ZAN: variants seen among roughly 807,000 people sequenced by gnomAD.
ZAN encodes the protein zonadhesin, also known as zonadhesin (gene/pseudogene).
ZAN carries 260 observed loss-of-function variants against 286.2 expected under a neutral mutation model. That is an observed-to-expected ratio of 0.91 (90% confidence interval 0.82 to 1.01). The LOEUF (loss-of-function observed/expected upper bound fraction) is 1.01. Among genes scored for constraint, ZAN ranks in the 50% least tolerant of loss-of-function variants. ZAN has a pLI of 0.00. For synonymous variants in ZAN, 1,368 were observed against 1,417.5 expected (o/e 0.97, Z 0.79); for missense variants, 3,410 against 3,639.2 (o/e 0.94, Z 1.62).
In ZAN at chr7:100,779,527, C is replaced by A; in HGVS notation, c.6399C>A (p.Asp2133Glu). 1 of 1,612,776 alleles carries A rather than the reference C, an allele frequency of 6.2e-7. No individual in the cohort carries two copies. The highest frequency in any genetic ancestry group is 2.2e-5 in the East Asian group (1 of 44,858). ...ENPSGNCRAA[D>E]LRRAREKCEA... Reference sequence around the variant, plus strand: ...CGAGTGGAAACTGCAGGGCGGCCGACCTCCGCAGGGCGCGGGAAAAGTGCG... The same window carrying A: ...CGAGTGGAAACTGCAGGGCGGCCGAACTCCGCAGGGCGCGGGAAAAGTGCG... The change falls in exon 35 of 48, where the codon GAC becomes GAA. Residue 2133 changes from aspartate (D) to glutamate (E), a missense_variant. By Grantham distance (45) the Asp-to-Glu change is conservative. Transcript: ENST00000613979.
chr7:100,773,427 G>T lies in ZAN; in HGVS notation c.5568G>T (p.Leu1856Phe). The T allele has an allele frequency of 6.2e-7, 1 of 1,614,010 alleles. No individual in the cohort carries two copies. Among genetic ancestry groups the T allele is most frequent in the South Asian group, 1.1e-5 (1 of 91,088 alleles). The change falls in exon 30 of 48, where the codon TTG becomes TTT. Residue 1856 changes from leucine to phenylalanine, a missense_variant. Coordinates refer to ENST00000613979, the MANE Select transcript of ZAN (RefSeq NM_003386.3). The part of the protein sequence containing the change: ...ESCECQKGHI[L>F]SGTSCVPLGQ... The stretch of plus-strand genomic sequence containing the variant: ...GTGAATGTCAGAAAGGCCACATCTT[G>T]AGTGGAACCTCCTGCGTGCCCCTTG...
chr7:100,785,037 C>G (rs965288775), intron 36 of ZAN, among the ~76,000 whole-genome samples: 1 of 152,082 alleles, frequency 6.6e-6, no homozygotes, highest in Non-Finnish European at 1.5e-5. Flanking sequence ...GGAATCCAAA[C>G]AAGCAGCACA....
At position 100,777,353 on chromosome 7, in the gene ZAN, C is replaced by T. The variant is rs559116119; in HGVS notation, c.6317+789C>T. Among the ~76,000 whole-genome samples the T allele has an allele frequency of 6.1e-3, 918 of 151,060 alleles. 4 individuals are homozygous for T. Among genetic ancestry groups the T allele is most frequent in the Admixed American group, 0.012 (184 of 15,072 alleles). ...ACTGCACCTGGACCCTCTAGCTTTT[C>T]TTTTTTTCTTTTTCTTTTTGAGATG... On this transcript the variant is annotated intron_variant, in intron 34 of 47. Coordinates refer to ENST00000613979, the MANE Select transcript of ZAN (RefSeq NM_003386.3).
intron 27 of ZAN, 100 bp from the exon 28 acceptor site, chr7:100,769,780 C>T: frequency 9.4e-7 from 1 of 1,064,098 alleles, no homozygotes; most frequent in African/African-American, 1.6e-5. Flanking sequence ...CTTCTGGTCT[C>T]AAGCGATCCT....
intron 7 of ZAN, among the ~76,000 whole-genome samples, 176 bp downstream of exon 7, chr7:100,738,789 A>G (rs1807486100): frequency 7.3e-6 from 1 of 136,346 alleles, no homozygotes; most frequent in Non-Finnish European, 1.6e-5. Context: ...CCGCCCTACA[A>G]GCTCTACCTG....
intron 23 of ZAN, 71 bp downstream of exon 23, chr7:100,765,625 A>G: frequency 6.8e-7 from 1 of 1,472,386 alleles, no homozygotes; most frequent in Non-Finnish European, 9.1e-7. Context: ...CACCCCCTGC[A>G]AGCTCTTTCT....
intron 42 of ZAN, 150 bp downstream of exon 42, chr7:100,792,629 C>T (rs1195544315): frequency 7.6e-6 from 11 of 1,450,222 alleles, no homozygotes; most frequent in African/African-American, 1.4e-5. Context: ...TGCCTCATCT[C>T]GGGCTTTCTG....
At chr7:100,782,582 C>T (rs566128410) in intron 35 of ZAN, among the ~76,000 whole-genome samples, 10 of 152,254 alleles carry the variant, frequency 6.6e-5, no homozygotes, top group South Asian at 6.2e-4. Flanking sequence ...CTGCCCGCCT[C>T]GTCCTCCCCA....
chr7:100,751,300 G>T, intron 13 of ZAN, 34 bp downstream of exon 13: 1 of 1,465,352 alleles, frequency 6.8e-7, no homozygotes, highest in East Asian at 2.4e-5. Flanking sequence ...GGAAGGGGGC[G>T]GTGCCCTGAG....
At chr7:100,750,947 C>G in intron 12 of ZAN, 51 bp downstream of exon 12, 1 of 1,512,264 alleles carries the variant, frequency 6.6e-7, no homozygotes, top group Non-Finnish European at 8.8e-7. Context: ...AGGGCCAATG[C>G]CTGGGATCTG....
At chr7:100,770,090 A>C in intron 28 of ZAN, 116 bp downstream of exon 28, 2 of 1,031,870 alleles carry the variant, frequency 1.9e-6, no homozygotes, top group Admixed American at 2.4e-5. Context: ...AGCATGAGGA[A>C]GGCAAATGGG....
chr7:100,789,929 G>A (rs1811826080), intron 39 of ZAN, among the ~76,000 whole-genome samples: 1 of 151,450 alleles, frequency 6.6e-6, no homozygotes, highest in Admixed American at 6.6e-5. Flanking sequence ...TGGGTGACAA[G>A]AGCAAAACTC....
intron 4 of ZAN, 23 bp downstream of exon 4, chr7:100,736,652 G>T: frequency 6.6e-7 from 1 of 1,519,652 alleles, no homozygotes; most frequent in Non-Finnish European, 9.0e-7. Context: ...GGTTTCCAGG[G>T]GACCATGAGC....
rs1807474363 is a variant in ZAN at position 100,738,609 on chromosome 7, T to G, written c.762T>G (p.Pro254=). The change falls in exon 7 of 48, where the codon CCT becomes CCG. Residue 254 remains proline (P), a synonymous_variant. Coordinates refer to ENST00000613979, the MANE Select transcript of ZAN (RefSeq NM_003386.3). ...GVGPDGDFSS[P]GSGCYMLLDP... ...GGCCTGATGGCGACTTCTCTAGCCCTGGTAGTGAGTAGCGGCCATGCTTCT... is the reference window on the plus strand; with the variant it reads ...GGCCTGATGGCGACTTCTCTAGCCCGGGTAGTGAGTAGCGGCCATGCTTCT... 14 of 1,516,588 alleles carry G rather than the reference T, an allele frequency of 9.2e-6. 3 individuals are homozygous for G. Among genetic ancestry groups the G allele is most frequent in the Non-Finnish European group, 1.3e-5 (14 of 1,104,480 alleles). 93.9% of individuals were successfully genotyped at this position (1,516,588 alleles called of 1,614,324 possible). A position where few individuals can be genotyped will look rare whatever the true frequency, so the allele number is the denominator to read the frequency against.
At chr7:100,774,999 C>T (rs111515032) in intron 31 of ZAN, among the ~76,000 whole-genome samples, 9,343 of 152,098 alleles carry the variant, frequency 0.061, 891 homozygotes, top group African/African-American at 0.2. Context: ...GCAATCTCGG[C>T]TCACTGCAAC....
chr7:100,751,348 G>A, intron 13 of ZAN, 82 bp downstream of exon 13: 1 of 1,021,920 alleles, frequency 9.8e-7, no homozygotes. Flanking sequence ...CTTAAAATGT[G>A]AGTCCTCCCT....
intron 31 of ZAN, 110 bp from the exon 32 acceptor site, chr7:100,775,218 T>C: frequency 6.8e-7 from 1 of 1,465,588 alleles, no homozygotes; most frequent in South Asian, 1.4e-5. Context: ...CAGCCGGACC[T>C]GGGGTCTTGA....
At position 100,772,982 on chromosome 7, in the gene ZAN, G is replaced by A. The variant is rs138504771; in HGVS notation, c.5426-303G>A. The stretch of plus-strand genomic sequence containing the variant: ...TGCCTCTCAGGTTCAAGAGATTCTC[G>A]TGTCTCAGCCACCCAAGTAGCTGGG... On this transcript the variant is annotated intron_variant, in intron 29 of 47. Transcript: ENST00000613979. Among the ~76,000 whole-genome samples the A allele has an allele frequency of 4.3e-3, 637 of 149,708 alleles. 9 individuals carry two copies. The highest frequency in any genetic ancestry group is 0.014 in the African/African-American group (565 of 40,740).
At chr7:100,733,846 T>C (rs1216405206) in intron 1 of ZAN, among the ~76,000 whole-genome samples, 181 bp from the exon 2 acceptor site, 1 of 141,514 alleles carries the variant, frequency 7.1e-6, no homozygotes, top group African/African-American at 2.6e-5. Flanking sequence ...TTTTCCTTTG[T>C]TCTCTCTTTT....
Sources: gnomAD v4.1 joint callset for allele counts (sites outside exome capture counted in the v4.1 genomes callset) on GRCh38, gnomAD v4.1.1 for gene constraint, MANE v1.5 for transcripts, NCBI Gene and HGNC (gene_info 2026-07-23, HGNC 2026-07-21) for gene names.